Variants in REG1A observed in about 807,000 individuals in gnomAD.
The protein encoded by REG1A is regenerating family member 1 alpha, also known as lithostathine-1-alpha.
Under a neutral mutation model 20.7 loss-of-function variants are expected in REG1A, and 20 were observed. The ratio of observed to expected loss-of-function variants is 0.97; its 90% confidence interval spans 0.68 to 1.41. The LOEUF (loss-of-function observed/expected upper bound fraction) is 1.41, where lower values mean the gene tolerates loss of function less well. REG1A is among the 40% of genes most tolerant of loss of function. The pLI is 0.00. For missense variants in REG1A, 193 were observed against 201.8 expected (o/e 0.96, Z 0.26); for synonymous variants, 90 against 71.6 (o/e 1.26, Z -1.30).
In REG1A at chr2:79,120,831, CTCT is replaced by C; in HGVS notation, c.-29_-27del. ...TCTCCTATAGAGATTGTTGATTTGCCTCTTAAGCAAGAGATTCATTGCAGCTCA... is the reference window on the plus strand; with the variant it reads ...TCTCCTATAGAGATTGTTGATTTGCCTAAGCAAGAGATTCATTGCAGCTCA... On this transcript the variant is annotated 5_prime_UTR_variant, in exon 2 of 6. Coordinates refer to ENST00000233735, the MANE Select transcript of REG1A (RefSeq NM_002909.5). The C allele has an allele frequency of 6.4e-7, 1 of 1,574,530 alleles. No homozygotes were observed. The highest frequency in any genetic ancestry group is 8.7e-7 in the Non-Finnish European group (1 of 1,151,724).
At chr2:79,121,800 C>A (rs1672890385) in intron 3 of REG1A, 120 bp downstream of exon 3, 1 of 1,326,098 alleles carries the variant, frequency 7.5e-7, no homozygotes, top group Non-Finnish European at 1.1e-6. Flanking sequence ...CTATCATCAG[C>A]CCCAAACTTT....
chr2:79,122,947 G>A lies in REG1A; in HGVS notation c.428G>A (p.Ser143Asn), dbSNP rs765761645. The A allele has an allele frequency of 1.2e-5, 20 of 1,613,040 alleles. 1 individual carries two copies. Among genetic ancestry groups the A allele is most frequent in the South Asian group, 4.4e-5 (4 of 91,066 alleles). The part of the protein sequence containing the change: ...NPGYCVSLTS[S>N]TGFQKWKDVP... ...GGCTACTGTGTGAGCCTGACCTCAA[G>A]CACAGGTGAGAGGCAGAGAATCCAT... The change falls in exon 5 of 6, where the codon AGC becomes AAC. Residue 143 changes from serine (S) to asparagine (N), a missense_variant. Coordinates refer to ENST00000233735, the MANE Select transcript of REG1A (RefSeq NM_002909.5).
rs149832655 is a variant in REG1A at position 79,123,398 on chromosome 2, A to G, written c.*183A>G. On this transcript the variant is annotated 3_prime_UTR_variant, in exon 6 of 6. Transcript: ENST00000233735. The stretch of plus-strand genomic sequence containing the variant: ...GGAACCCTAAATAATAAAAATAAAC[A>G]TGTTTCCACTATTGTGCTGTCTTAC... 257 of 526,432 alleles carry G rather than the reference A, an allele frequency of 4.9e-4. No individual in the cohort carries two copies. Among genetic ancestry groups the G allele is most frequent in the African/African-American group, 4.4e-3 (233 of 52,856 alleles). The allele number at this position is 526,432 out of a possible 1,614,324, so 32.6% of individuals were successfully genotyped here. A position where few individuals can be genotyped will look rare whatever the true frequency, so the allele number is the denominator to read the frequency against.
chr2:79,122,107 C>A lies in REG1A; in HGVS notation c.303C>A (p.Gly101=). The change falls in exon 4 of 6, where the codon GGC becomes GGA. Residue 101 remains glycine, a synonymous_variant. Transcript: ENST00000233735. ...CTGATGACTTCAATGTCTGGATTGGCCTCCATGACCCCAAAAAGGTAGGCT... is the reference window on the plus strand; with the variant it reads ...CTGATGACTTCAATGTCTGGATTGGACTCCATGACCCCAAAAAGGTAGGCT... ...SGTDDFNVWI[G]LHDPKKNRRW... is the part of the protein sequence containing the mutation. 1 of 1,614,036 alleles carries A rather than the reference C, an allele frequency of 6.2e-7. No individual in the cohort carries two copies.
chr2:79,123,165 G>A lies in REG1A; in HGVS notation c.451G>A (p.Asp151Asn), dbSNP rs1672913328. 6.2e-7 allele frequency: 1 copy of A among 1,612,496 alleles called. No individual in the cohort carries two copies. Among genetic ancestry groups the A allele is most frequent in the Admixed American group, 1.7e-5 (1 of 59,786 alleles). ...TSSTGFQKWK[D>N]VPCEDKFSFV... ...ACTTATAGGATTCCAGAAATGGAAG[G>A]ATGTGCCTTGTGAAGACAAGTTCTC... The change falls in exon 6 of 6, where the codon GAT becomes AAT. Residue 151 changes from aspartate to asparagine, a missense_variant. Coordinates refer to ENST00000233735, the MANE Select transcript of REG1A (RefSeq NM_002909.5).
intron 2 of REG1A, 51 bp downstream of exon 2, chr2:79,120,976 T>A (rs2104062588): frequency 7.1e-7 from 1 of 1,398,724 alleles, no homozygotes; most frequent in Non-Finnish European, 1.0e-6. Flanking sequence ...AAGACTTCAC[T>A]CTATCCCCAA....
intron 5 of REG1A, 81 bp downstream of exon 5, chr2:79,123,033 A>C: frequency 2.1e-6 from 3 of 1,446,404 alleles, no homozygotes; most frequent in Non-Finnish European, 1.9e-6. Flanking sequence ...GGGATAGAGG[A>C]AAGGTGAACT....
intron 5 of REG1A, 56 bp downstream of exon 5, chr2:79,123,008 G>A: frequency 2.0e-6 from 3 of 1,510,832 alleles, no homozygotes; most frequent in Non-Finnish European, 2.8e-6. Flanking sequence ...TAGCTCCAGG[G>A]ATGGAACTGG....
Position 79,122,844 on chromosome 2 carries a change from C to A in REG1A, c.325C>A (p.Arg109Ser). 4 of 1,612,518 alleles carry A rather than the reference C, an allele frequency of 2.5e-6. No individual in the cohort carries two copies. The highest frequency in any genetic ancestry group is 3.4e-6 in the Non-Finnish European group (4 of 1,179,604). The change falls in exon 5 of 6, where the codon CGC (arginine) becomes AGC (serine). Residue 109 changes from arginine (R) to serine (S), a missense_variant. Coordinates refer to ENST00000233735, the MANE Select transcript of REG1A (RefSeq NM_002909.5). ...WIGLHDPKKNRRWHWSSGSLV... is the reference protein window; with the variant it reads ...WIGLHDPKKNSRWHWSSGSLV... ...GTTCTGGCCCTTCCCCATCTAGAACCGCCGCTGGCACTGGAGCAGTGGGTC... is the reference window on the plus strand; with the variant it reads ...GTTCTGGCCCTTCCCCATCTAGAACAGCCGCTGGCACTGGAGCAGTGGGTC...
intron 4 of REG1A, 130 bp downstream of exon 4, chr2:79,122,255 T>A: frequency 1.1e-6 from 1 of 938,652 alleles, no homozygotes; most frequent in Non-Finnish European, 1.6e-6. Context: ...TCCTCTAATG[T>A]CCTGTGTAGC....
intron 5 of REG1A, 82 bp from the exon 6 acceptor site, chr2:79,123,066 T>C: frequency 1.4e-6 from 2 of 1,446,144 alleles, no homozygotes; most frequent in Non-Finnish European, 1.9e-6. Flanking sequence ...AATGGATGTT[T>C]GGTTTTTGTC....
Position 79,121,450 on chromosome 2 carries a change from C to T in REG1A, c.65-112C>T. ...CAGGAGCAATAGTGAGCAGTCATCC[C>T]ATAATAGACTGGATTCTTCTGTTTC... On this transcript the variant is annotated intron_variant, in intron 2 of 5. Transcript: ENST00000233735. The T allele has an allele frequency of 1.1e-5, 9 of 832,856 alleles. No individual in the cohort carries two copies. The Admixed American group carries it at 1.1e-4, about 10-fold the overall frequency. The allele number at this position is 832,856 out of a possible 1,614,324, so 51.6% of individuals were successfully genotyped here.
At chr2:79,120,608 T>C (rs1672868757) in intron 1 of REG1A, 94 bp downstream of exon 1, 1 of 380,666 alleles carries the variant, frequency 2.6e-6, no homozygotes, top group Non-Finnish European at 4.7e-6. Flanking sequence ...TCCAAGAGGT[T>C]TTAGCTGTAA....
intron 4 of REG1A, chr2:79,122,333 T>C: frequency 1.8e-6 from 1 of 544,694 alleles, no homozygotes; most frequent in East Asian, 3.1e-5. Context: ...TTGTCATTCA[T>C]GAATAAACTT....
Position 79,122,262 on chromosome 2 carries a change from T to G in REG1A, c.321+137T>G. The stretch of plus-strand genomic sequence containing the variant: ...TTTACAGATCCTCTAATGTCCTGTG[T>G]AGCAAGGTGCACTGTAGATGATTGG... On this transcript the variant is annotated intron_variant, in intron 4 of 5. Coordinates refer to ENST00000233735, the MANE Select transcript of REG1A (RefSeq NM_002909.5). 3.5e-6 allele frequency: 3 copies of G among 862,374 alleles called. No homozygotes were observed. The South Asian group carries it at 5.3e-5, about 15-fold the overall frequency. 53.4% of individuals were successfully genotyped at this position (862,374 alleles called of 1,614,324 possible). A position where few individuals can be genotyped will look rare whatever the true frequency, so the allele number is the denominator to read the frequency against.
rs774896988 is a variant in REG1A at position 79,120,912 on chromosome 2, G to C, written c.51G>C (p.Leu17=). 2.0e-5 allele frequency: 33 copies of C among 1,612,394 alleles called. No individual in the cohort carries two copies. Among genetic ancestry groups the C allele is most frequent in the Non-Finnish European group, 2.5e-5 (30 of 1,179,380 alleles). The change falls in exon 2 of 6, where the codon CTG becomes CTC. Residue 17 remains leucine, a synonymous_variant. Transcript: ENST00000233735. ...YFMLISCLMF[L]SQSQGQEAQT... ...TGCTGATCTCCTGCCTGATGTTTCTGTCTCAGAGCCAAGGTAAGATCTCTT... is the reference window on the plus strand; with the variant it reads ...TGCTGATCTCCTGCCTGATGTTTCTCTCTCAGAGCCAAGGTAAGATCTCTT...
chr2:79,123,178 A>T lies in REG1A; in HGVS notation c.464A>T (p.Glu155Val), dbSNP rs1179680607. 5 of 1,613,218 alleles carry T rather than the reference A, an allele frequency of 3.1e-6. No individual in the cohort carries two copies. Among genetic ancestry groups the T allele is most frequent in the Admixed American group, 1.7e-5 (1 of 59,964 alleles). Reference protein sequence around the residue: ...GFQKWKDVPCEDKFSFVCKFK... With the variant: ...GFQKWKDVPCVDKFSFVCKFK... Reference sequence around the variant, plus strand: ...CAGAAATGGAAGGATGTGCCTTGTGAAGACAAGTTCTCCTTTGTCTGCAAG... The same window carrying T: ...CAGAAATGGAAGGATGTGCCTTGTGTAGACAAGTTCTCCTTTGTCTGCAAG... The change falls in exon 6 of 6, where the codon GAA becomes GTA. Residue 155 changes from glutamate (E) to valine (V), a missense_variant. Coordinates refer to ENST00000233735, the MANE Select transcript of REG1A (RefSeq NM_002909.5).
At position 79,120,865 on chromosome 2, in the gene REG1A, G is replaced by A; in HGVS notation, c.4G>A (p.Ala2Thr). 1 of 1,610,800 alleles carries A rather than the reference G, an allele frequency of 6.2e-7. No individual in the cohort carries two copies. The highest frequency in any genetic ancestry group is 2.2e-5 in the East Asian group (1 of 44,786). The change falls in exon 2 of 6, where the codon GCT becomes ACT. Residue 2 changes from alanine to threonine, a missense_variant. Coordinates refer to ENST00000233735, the MANE Select transcript of REG1A (RefSeq NM_002909.5). Reference protein sequence around the residue: MAQTSSYFMLIS... With the variant: MTQTSSYFMLIS... Reference sequence around the variant, plus strand: ...AAGAGATTCATTGCAGCTCAGCATGGCTCAGACCAGCTCATACTTCATGCT... The same window carrying A: ...AAGAGATTCATTGCAGCTCAGCATGACTCAGACCAGCTCATACTTCATGCT...
rs766802704 is a variant in REG1A, at chr2:79,122,933, G to A, written c.414G>A (p.Val138=). 1.9e-6 allele frequency: 3 copies of A among 1,613,736 alleles called. No homozygotes were observed. Among genetic ancestry groups the A allele is most frequent in the Non-Finnish European group, 2.5e-6 (3 of 1,179,656 alleles). ...GCAGTGTTAATCCTGGCTACTGTGTGAGCCTGACCTCAAGCACAGGTGAGA... is the reference window on the plus strand; with the variant it reads ...GCAGTGTTAATCCTGGCTACTGTGTAAGCCTGACCTCAAGCACAGGTGAGA... ...APSSVNPGYC[V]SLTSSTGFQK... Residue 138 remains valine, a synonymous_variant, in exon 5 of 6, where the codon GTG becomes GTA. Transcript: ENST00000233735.
Sources: allele counts gnomAD v4.1 joint callset, GRCh38; gene constraint gnomAD v4.1.1; transcripts MANE v1.5; gene names NCBI Gene and HGNC (gene_info 2026-07-23, HGNC 2026-07-21).